The following ZNF134 variants were observed in gnomAD, a reference collection of about 807,000 sequenced individuals.
The protein encoded by ZNF134 is zinc finger protein 134 (clone pHZ-15).
In ZNF134, 5 loss-of-function variants were observed where a neutral mutation model predicts 2.5. The ratio of observed to expected loss-of-function variants is 2.03; its 90% confidence interval spans 1.06 to 4.27. ZNF134 has a LOEUF of 4.27. Among genes scored for constraint, ZNF134 ranks in the 30% most tolerant of loss-of-function variants. ZNF134 has a pLI of 0.00. For missense variants in ZNF134, 540 were observed against 517.5 expected (o/e 1.04, Z -0.42); for synonymous variants, 176 against 176.2 (o/e 1.00, Z 0.01).
rs1413559750 is a variant in ZNF134, at chr19:57,621,152, G to C, written c.1033G>C (p.Glu345Gln). The change falls in exon 3 of 3, where the codon GAG (glutamate) becomes CAG (glutamine). Residue 345 changes from glutamate (E) to glutamine (Q), a missense_variant. Transcript: ENST00000396161. ...QRIHTESKPF[E>Q]CIECGKFFSR... ...AATTCACACTGAGTCAAAGCCGTTT[G>C]AGTGCATTGAATGCGGGAAATTCTT... is the stretch of plus-strand genomic sequence containing the variant. 3 of 1,614,238 alleles carry C rather than the reference G, an allele frequency of 1.9e-6. No homozygotes were observed. Among genetic ancestry groups the C allele is most frequent in the Non-Finnish European group, 2.5e-6 (3 of 1,180,052 alleles).
chr19:57,621,489 G>C lies in ZNF134; in HGVS notation c.*86G>C, dbSNP rs1255103880. ...TGACACAAAGGAGATACCTTATGGT[G>C]CCAGGTACGTGGGAACCTTCTAGGG... On this transcript the variant is annotated 3_prime_UTR_variant, in exon 3 of 3. Transcript: ENST00000396161. 6.3e-7 allele frequency: 1 copy of C among 1,588,996 alleles called. No individual in the cohort carries two copies. Among genetic ancestry groups the C allele is most frequent in the Non-Finnish European group, 8.6e-7 (1 of 1,169,090 alleles).
rs548550647 is a variant in ZNF134, at chr19:57,614,950, C to T, written c.-58+447C>T. On this transcript the variant is annotated intron_variant, in intron 1 of 2. Transcript: ENST00000396161. ...AGAAGTGTTGCGGTGGTGGCTGGGCCAGAGCAGTGGCAGGAGGGGTTGGGT... is the reference window on the plus strand; with the variant it reads ...AGAAGTGTTGCGGTGGTGGCTGGGCTAGAGCAGTGGCAGGAGGGGTTGGGT... Among the ~76,000 whole-genome samples the T allele has an allele frequency of 1.1e-3, 163 of 152,098 alleles. 2 individuals carry two copies. Among genetic ancestry groups the T allele is most frequent in the South Asian group, 4.1e-3 (20 of 4,820 alleles).
Position 57,624,232 on chromosome 19 carries a change from T to C in ZNF134, c.*2829T>C, listed in dbSNP as rs1981314415. On this transcript the variant is annotated 3_prime_UTR_variant, in exon 3 of 3. Transcript: ENST00000396161. ...CCCCTTTTGAAACAATGCATATACATATAACTATTATCCTAGGTCTTTCCC... is the reference window on the plus strand; with the variant it reads ...CCCCTTTTGAAACAATGCATATACACATAACTATTATCCTAGGTCTTTCCC... 6.6e-6 allele frequency: 1 copy of C among 152,130 alleles called. No homozygotes were observed. Among genetic ancestry groups the C allele is most frequent in the South Asian group, 2.1e-4 (1 of 4,830 alleles). The allele number at this position is 152,130 out of a possible 1,614,324, so 9.4% of individuals were successfully genotyped here. A position where few individuals can be genotyped will look rare whatever the true frequency, so the allele number is the denominator to read the frequency against.
Position 57,614,391 on chromosome 19 carries a change from C to G in ZNF134, c.-170C>G, listed in dbSNP as rs546421921. 4.4e-5 allele frequency: 20 copies of G among 452,500 alleles called. No homozygotes were observed. The East Asian group carries it at 1.3e-3, about 31-fold the overall frequency. The allele number at this position is 452,500 out of a possible 1,614,324, so 28.0% of individuals were successfully genotyped here. ...CTCGCCAGCGAAGACCCCGCCTGCG[C>G]CCCCGGGGACGGACGACCGCGGTGC... On this transcript the variant is annotated 5_prime_UTR_variant, in exon 1 of 3. Transcript: ENST00000396161.
In ZNF134 at chr19:57,620,220, T is replaced by C. The variant is rs199570382; in HGVS notation, c.101T>C (p.Val34Ala). 1.2e-6 allele frequency: 2 copies of C among 1,614,228 alleles called. No homozygotes were observed. Among genetic ancestry groups the C allele is most frequent in the South Asian group, 1.1e-5 (1 of 91,084 alleles). ...SSSEQSISIA[V>A]SHVNTSKAGL... ...TCTGAACAGAGCATTTCTATAGCAG[T>C]GTCACATGTTAATACTTCCAAGGCA... The change falls in exon 3 of 3, where the codon GTG becomes GCG. Residue 34 changes from valine to alanine, a missense_variant. Transcript: ENST00000396161.
chr19:57,614,762 A>G (rs894810289), intron 1 of ZNF134, among the ~76,000 whole-genome samples: 1 of 152,128 alleles, frequency 6.6e-6, no homozygotes, highest in Non-Finnish European at 1.5e-5. Context: ...CATTGCGAGG[A>G]CGATAGGAGC....
At position 57,621,820 on chromosome 19, in the gene ZNF134, T is replaced by C. The variant is rs1981231738; in HGVS notation, c.*417T>C. 3.2e-6 allele frequency: 1 copy of C among 315,936 alleles called. No homozygotes were observed. The highest frequency in any genetic ancestry group is 2.2e-5 in the African/African-American group (1 of 46,508). The allele number at this position is 315,936 out of a possible 1,614,324, so 19.6% of individuals were successfully genotyped here. A position where few individuals can be genotyped will look rare whatever the true frequency, so the allele number is the denominator to read the frequency against. ...CTTCATGGATATTCTTGGTCTCACA[T>C]ACTTGTAATCAAGTTTTTCCAGCCT... On this transcript the variant is annotated 3_prime_UTR_variant, in exon 3 of 3. Transcript: ENST00000396161.
rs368407520 is a variant in ZNF134 at position 57,621,284 on chromosome 19, C to A, written c.1165C>A (p.Arg389=). The A allele has an allele frequency of 1.2e-6, 2 of 1,613,920 alleles. No individual in the cohort carries two copies. Among genetic ancestry groups the A allele is most frequent in the Non-Finnish European group, 1.7e-6 (2 of 1,179,992 alleles). The change falls in exon 3 of 3, where the codon CGA becomes AGA. Residue 389 remains arginine, a synonymous_variant. Coordinates refer to ENST00000396161, the MANE Select transcript of ZNF134 (RefSeq NM_003435.5). ...KDFIRTSHLV[R]HQRVHTGERP... The stretch of plus-strand genomic sequence containing the variant: ...CTTTATCAGAACCTCCCACCTTGTT[C>A]GACACCAAAGAGTTCACACTGGAGA...
Position 57,614,282 on chromosome 19 carries a change from G to A in ZNF134, c.-279G>A, listed in dbSNP as rs1194895844. On this transcript the variant is annotated 5_prime_UTR_variant, in exon 1 of 3. Coordinates refer to ENST00000396161, the MANE Select transcript of ZNF134 (RefSeq NM_003435.5). ...TCGGCTCTTAGGTGGAACCATCGGA[G>A]CAGAAGCTCGGGGTTGCTGGGCGGT... 2.9e-5 allele frequency: 13 copies of A among 450,680 alleles called. No homozygotes were observed. The East Asian group carries it at 9.4e-4, about 33-fold the overall frequency. The allele number at this position is 450,680 out of a possible 1,614,324, so 27.9% of individuals were successfully genotyped here.
chr19:57,619,358 C>G (rs545275352), intron 1 of ZNF134, 54 bp from the exon 2 acceptor site: 1 of 1,393,900 alleles, frequency 7.2e-7, no homozygotes, highest in African/African-American at 1.4e-5. Flanking sequence ...GTGGGCTACT[C>G]TGGCTAGTGC....
chr19:57,618,247 G>A (rs1981105441), intron 1 of ZNF134, among the ~76,000 whole-genome samples: 2 of 152,202 alleles, frequency 1.3e-5, no homozygotes, highest in Admixed American at 6.5e-5. Context: ...TTAATAGGTG[G>A]ATTCAGGGCA....
Position 57,624,057 on chromosome 19 carries a change from G to A in ZNF134, c.*2654G>A, listed in dbSNP as rs1230467549. 6.6e-6 allele frequency: 1 copy of A among 152,260 alleles called. No individual in the cohort carries two copies. Among genetic ancestry groups the A allele is most frequent in the Non-Finnish European group, 1.5e-5 (1 of 68,070 alleles). The allele number at this position is 152,260 out of a possible 1,614,324, so 9.4% of individuals were successfully genotyped here. On this transcript the variant is annotated 3_prime_UTR_variant, in exon 3 of 3. Coordinates refer to ENST00000396161, the MANE Select transcript of ZNF134 (RefSeq NM_003435.5). Reference sequence around the variant, plus strand: ...CTACCTTTCATGAGAAAGGAAGGATGACTCAGAGCAGAGGAGAGTCCAGTG... The same window carrying A: ...CTACCTTTCATGAGAAAGGAAGGATAACTCAGAGCAGAGGAGAGTCCAGTG...
chr19:57,616,741 CCCT>C (rs1981061574), intron 1 of ZNF134, among the ~76,000 whole-genome samples: 1 of 152,228 alleles, frequency 6.6e-6, no homozygotes, highest in Non-Finnish European at 1.5e-5. Flanking sequence ...CTCCCAGCTT[CCCT>C]CCTCTTGTGA....
rs774682981 is a variant in ZNF134, at chr19:57,621,488, T to C, written c.*85T>C. ...TTGACACAAAGGAGATACCTTATGG[T>C]GCCAGGTACGTGGGAACCTTCTAGG... On this transcript the variant is annotated 3_prime_UTR_variant, in exon 3 of 3. Coordinates refer to ENST00000396161, the MANE Select transcript of ZNF134 (RefSeq NM_003435.5). 2 of 1,591,254 alleles carry C rather than the reference T, an allele frequency of 1.3e-6. No individual in the cohort carries two copies. The highest frequency in any genetic ancestry group is 1.1e-5 in the South Asian group (1 of 90,720).
chr19:57,620,003 AGTACT>A (rs1002795026), intron 2 of ZNF134, among the ~76,000 whole-genome samples, 152 bp from the exon 3 acceptor site: 10 of 152,302 alleles, frequency 6.6e-5, no homozygotes, highest in Admixed American at 3.3e-4. Flanking sequence ...CTTAGATTCC[AGTACT>A]GTACAGCAGC....
chr19:57,619,089 G>A, intron 1 of ZNF134, among the ~76,000 whole-genome samples: 1 of 152,084 alleles, frequency 6.6e-6, no homozygotes, highest in Non-Finnish European at 1.5e-5. Context: ...GCCTTGCCAG[G>A]AAGGGTTTGG....
chr19:57,621,874 G>A lies in ZNF134; in HGVS notation c.*471G>A, dbSNP rs1053373634. 4 of 284,802 alleles carry A rather than the reference G, an allele frequency of 1.4e-5. No individual in the cohort carries two copies. The highest frequency in any genetic ancestry group is 2.8e-5 in the Non-Finnish European group (4 of 144,474). 17.6% of individuals were successfully genotyped at this position (284,802 alleles called of 1,614,324 possible). A position where few individuals can be genotyped will look rare whatever the true frequency, so the allele number is the denominator to read the frequency against. ...AGTCACCTGGCCTGGGAAAGTACTT[G>A]CCTCATGTTGCTCTGGTTTGTGATA... On this transcript the variant is annotated 3_prime_UTR_variant, in exon 3 of 3. Transcript: ENST00000396161.
At position 57,620,758 on chromosome 19, in the gene ZNF134, C is replaced by T; in HGVS notation, c.639C>T (p.Phe213=). Residue 213 remains phenylalanine (F), a synonymous_variant, in exon 3 of 3, where the codon TTC becomes TTT. Transcript: ENST00000396161. The part of the protein sequence containing the change: ...PYECSECGKA[F]SRKATLVQHQ... ...AGTGCAGCGAATGTGGGAAAGCCTT[C>T]AGCCGCAAAGCTACACTTGTCCAGC... 6.2e-7 allele frequency: 1 copy of T among 1,612,784 alleles called. No individual in the cohort carries two copies. The highest frequency in any genetic ancestry group is 8.5e-7 in the Non-Finnish European group (1 of 1,178,778).
chr19:57,617,672 G>T (rs9749538), intron 1 of ZNF134, among the ~76,000 whole-genome samples: 1,865 of 152,280 alleles, frequency 0.012, 34 homozygotes, highest in Middle Eastern at 0.044. Flanking sequence ...CAGGGTGGCA[G>T]CCAGCATGTG....
Sources: gnomAD v4.1 joint callset for allele counts (sites outside exome capture counted in the v4.1 genomes callset) on GRCh38, gnomAD v4.1.1 for gene constraint, MANE v1.5 for transcripts, NCBI Gene and HGNC (gene_info 2026-07-23, HGNC 2026-07-21) for gene names.